FMO5: variants seen among roughly 807,000 people sequenced by gnomAD.
The protein encoded by FMO5 is flavin-containing monooxygenase 5.
A neutral mutation model predicts 43.6 loss-of-function variants in FMO5; 51 were observed. The ratio of observed to expected loss-of-function variants is 1.17; its 90% CI spans 0.93 to 1.48. The LOEUF (loss-of-function observed/expected upper bound fraction) is 1.48. Ranked by LOEUF, FMO5 falls within the 40% of genes most tolerant of loss-of-function variation. The pLI, the probability that FMO5 is intolerant of heterozygous loss-of-function variation, is 0.00. For synonymous variants in FMO5, 187 were observed against 216.5 expected (o/e 0.86, Z 1.20); for missense variants, 644 against 643.0 (o/e 1.00, Z -0.02).
intron 5 of FMO5, 92 bp from the exon 6 acceptor site, chr1:147,209,143 G>A (rs114731320): frequency 0.011 from 11,582 of 1,096,532 alleles, 173 homozygotes; most frequent in South Asian, 0.048. Context: ...TTTCAGGCCC[G>A]GCGCGGTGGC....
chr1:147,186,914 T>C lies in FMO5; in HGVS notation c.1588A>G (p.Ile530Val), dbSNP rs1553917183. ...MLALAFFAIIIAYF is the reference protein window; with the variant it reads ...MLALAFFAIIVAYF ...CAATAGGACAACTAGAAGTAAGCTA[T>C]AATTATAGCAAAGAAGGCAAGAGCT... The change falls in exon 9 of 9, where the codon ATA becomes GTA. Residue 530 changes from isoleucine to valine, a missense_variant. Coordinates refer to ENST00000254090, the MANE Select transcript of FMO5 (RefSeq NM_001461.4). The C allele has an allele frequency of 3.1e-6, 5 of 1,613,432 alleles. No individual in the cohort carries two copies. The highest frequency in any genetic ancestry group is 4.2e-6 in the Non-Finnish European group (5 of 1,179,670).
chr1:147,211,929 G>T (rs375580260), intron 5 of FMO5, among the ~76,000 whole-genome samples: 1 of 152,160 alleles, frequency 6.6e-6, no homozygotes, highest in African/African-American at 2.4e-5. Context: ...CATTTGGGGA[G>T]TGTAAAGGAA....
At chr1:147,202,380 CAT>C (rs1659176715) in intron 6 of FMO5, among the ~76,000 whole-genome samples, 1 of 123,262 alleles carries the variant, frequency 8.1e-6, no homozygotes, top group Non-Finnish European at 1.6e-5. Context: ...AGTGCAGTGG[CAT>C]GATCTTGGCT....
intron 4 of FMO5, 106 bp from the exon 5 acceptor site, chr1:147,212,641 C>G (rs964704792): frequency 1.9e-6 from 2 of 1,042,596 alleles, no homozygotes; most frequent in African/African-American, 3.2e-5. Context: ...ATATATTCTC[C>G]AAGTGTTCTC....
chr1:147,215,791 G>C lies in FMO5; in HGVS notation c.287C>G (p.Ala96Gly). The change falls in exon 3 of 9, where the codon GCC becomes GGC. Residue 96 changes from alanine (A) to glycine (G), a missense_variant. Ala to Gly is a moderately conservative substitution (Grantham distance 60). Coordinates refer to ENST00000254090, the MANE Select transcript of FMO5 (RefSeq NM_001461.4). Reference sequence around the variant, plus strand: ...ATACTTTAGAAGGTCAAATTCTTTGGCATACATCCTGAAATACTCCAGGAC... The same window carrying C: ...ATACTTTAGAAGGTCAAATTCTTTGCCATACATCCTGAAATACTCCAGGAC... ...AQVLEYFRMY[A>G]KEFDLLKYIR... is the part of the protein sequence containing the mutation. The C allele has an allele frequency of 6.2e-7, 1 of 1,611,678 alleles. No individual in the cohort carries two copies. Among genetic ancestry groups the C allele is most frequent in the Non-Finnish European group, 8.5e-7 (1 of 1,179,230 alleles).
chr1:147,203,619 T>G lies in FMO5; in HGVS notation c.831-2115A>C. The G allele has an allele frequency of 8.1e-6, 10 of 1,231,840 alleles. No individual in the cohort carries two copies. In the South Asian group the frequency reaches 1.2e-4, roughly 15 times the overall value. The allele number at this position is 1,231,840 out of a possible 1,614,324, so 76.3% of individuals were successfully genotyped here. On this transcript the variant is annotated intron_variant, in intron 6 of 8. Transcript: ENST00000254090. ...GCTTCAAACGCCTCAGCAAACTTCT[T>G]AATAGCGTACTGTTCAAGTCCAGGA...
At chr1:147,198,906 G>GTATCCAA (rs141149511) in intron 7 of FMO5, among the ~76,000 whole-genome samples, 5,500 of 145,448 alleles carry the variant, frequency 0.038, 153 homozygotes, top group Non-Finnish European at 0.059. Flanking sequence ...ATTGGAGGTT[G>GTATCCAA]TATCCAATTT....
At chr1:147,223,734 T>C in intron 2 of FMO5, 1 of 208,458 alleles carries the variant, frequency 4.8e-6, no homozygotes, top group Non-Finnish European at 9.8e-6. Flanking sequence ...CCCCCCTATA[T>C]CAGGTTGCAG....
At chr1:147,216,881 T>C (rs1431378386) in intron 2 of FMO5, among the ~76,000 whole-genome samples, 1 of 152,166 alleles carries the variant, frequency 6.6e-6, no homozygotes, top group East Asian at 1.9e-4. Context: ...ATGCACTGCA[T>C]TAAATGACAT....
At chr1:147,204,904 C>A in intron 6 of FMO5, 9 of 1,581,366 alleles carry the variant, frequency 5.7e-6, no homozygotes, top group Non-Finnish European at 7.0e-6. Context: ...CTGGGCGAAG[C>A]CCGGAGCCTT....
intron 6 of FMO5, among the ~76,000 whole-genome samples, chr1:147,206,479 C>T (rs1553922371): frequency 2.6e-5 from 4 of 152,162 alleles, no homozygotes; most frequent in Non-Finnish European, 5.9e-5. Flanking sequence ...TTTATTGCGG[C>T]ACTATTCACA....
chr1:147,215,967 A>G, intron 2 of FMO5, 25 bp from the exon 3 acceptor site: 1 of 1,545,952 alleles, frequency 6.5e-7, no homozygotes, highest in Non-Finnish European at 8.8e-7. Context: ...AAGTATTCAT[A>G]GCAACTTGAG....
At chr1:147,200,184 A>C (rs1456497366) in intron 7 of FMO5, among the ~76,000 whole-genome samples, 1 of 152,074 alleles carries the variant, frequency 6.6e-6, no homozygotes, top group Admixed American at 6.6e-5. Context: ...TTTTTTTCTT[A>C]ATGGTAAGCT....
chr1:147,200,203 A>T (rs1164895644), intron 7 of FMO5, among the ~76,000 whole-genome samples: 2 of 152,162 alleles, frequency 1.3e-5, no homozygotes, highest in Non-Finnish European at 2.9e-5. Flanking sequence ...CTGATGTGTA[A>T]CCCTCAAGAT....
intron 2 of FMO5, 68 bp from the exon 3 acceptor site, chr1:147,216,010 C>T: frequency 7.9e-7 from 1 of 1,273,178 alleles, no homozygotes; most frequent in Non-Finnish European, 1.1e-6. Flanking sequence ...AGCCAATAGA[C>T]ATCTGAAAAA....
intron 2 of FMO5, chr1:147,224,047 G>C: frequency 2.5e-6 from 1 of 403,150 alleles, no homozygotes; most frequent in South Asian, 1.9e-5. Flanking sequence ...ATCCCATCGA[G>C]CTGGTTGTCT....
intron 6 of FMO5, chr1:147,204,371 C>CGCAT (rs1185889271): frequency 3.9e-6 from 4 of 1,035,602 alleles, no homozygotes; most frequent in Admixed American, 1.7e-5. Context: ...AAAATAGATA[C>CGCAT]GCATGCCTGA....
chr1:147,191,676 T>C (rs1188815238), intron 7 of FMO5, among the ~76,000 whole-genome samples: 2 of 148,622 alleles, frequency 1.3e-5, no homozygotes, highest in African/African-American at 5.0e-5. Flanking sequence ...CCATCTTGAA[T>C]TGATTTTTGT....
chr1:147,197,536 C>T (rs191472024), intron 7 of FMO5, among the ~76,000 whole-genome samples: 87 of 152,156 alleles, frequency 5.7e-4, no homozygotes, highest in Non-Finnish European at 1.1e-3. Flanking sequence ...TACTCTCATA[C>T]TGCTCATGCT....
Sources: gnomAD v4.1 joint callset for allele counts (sites outside exome capture counted in the v4.1 genomes callset) on GRCh38, gnomAD v4.1.1 for gene constraint, MANE v1.5 for transcripts, NCBI Gene and HGNC (gene_info 2026-07-23, HGNC 2026-07-21) for gene names.